The following VDR variants were observed in gnomAD, a reference collection of about 807,000 sequenced individuals.
VDR encodes the protein vitamin D receptor.
In VDR, 19 loss-of-function variants were observed where a neutral mutation model predicts 39.7. The ratio of observed to expected loss-of-function variants is 0.48; its 90% CI spans 0.33 to 0.70. The LOEUF (loss-of-function observed/expected upper bound fraction) is 0.70. Among genes scored for constraint, VDR ranks in the 30% least tolerant of loss-of-function variants. VDR has a pLI of 0.02. For missense variants in VDR, 442 were observed against 570.5 expected (o/e 0.77, Z 2.29); for synonymous variants, 242 against 215.8 (o/e 1.12, Z -1.07).
intron 1 of VDR, among the ~76,000 whole-genome samples, chr12:47,903,785 C>T (rs1946613116): frequency 1.3e-5 from 2 of 152,210 alleles, no homozygotes; most frequent in South Asian, 4.1e-4. Context: ...TGCTGGGATG[C>T]ACCTCCTTAT....
rs754232166 is a variant in VDR, at chr12:47,878,846, G to A, written c.146+122C>T. 212 of 1,498,544 alleles carry A rather than the reference G, an allele frequency of 1.4e-4. 1 individual carries two copies. The highest frequency in any genetic ancestry group is 1.6e-4 in the South Asian group (14 of 85,244). The allele number at this position is 1,498,544 out of a possible 1,614,324, so 92.8% of individuals were successfully genotyped here. A position where few individuals can be genotyped will look rare whatever the true frequency, so the allele number is the denominator to read the frequency against. ...CCCTCCTGCTCCTGTGGCTGTGAGC[G>A]CCGCATGTTCCATGGACATTGTAAG... On this transcript the variant is annotated intron_variant, in intron 3 of 9. Coordinates refer to ENST00000549336, the MANE Select transcript of VDR (RefSeq NM_000376.3).
intron 3 of VDR, among the ~76,000 whole-genome samples, chr12:47,869,205 C>T (rs1945798121): frequency 6.6e-6 from 1 of 152,206 alleles, no homozygotes; most frequent in Non-Finnish European, 1.5e-5. Context: ...GATTGCCACT[C>T]AGCCCCACTT....
chr12:47,859,923 T>TTTC (rs1945588627), intron 4 of VDR, among the ~76,000 whole-genome samples: 18 of 50,982 alleles, frequency 3.5e-4, no homozygotes, highest in Admixed American at 5.7e-4. Context: ...CCTTCTTTCT[T>TTTC]TTTCTTTCTT....
chr12:47,887,774 G>T (rs868764145), intron 1 of VDR, among the ~76,000 whole-genome samples: 1 of 152,228 alleles, frequency 6.6e-6, no homozygotes, highest in Non-Finnish European at 1.5e-5. Context: ...CCCCAGCAAC[G>T]CAGCTCTAAG....
At chr12:47,883,906 C>A (rs953000080) in intron 1 of VDR, among the ~76,000 whole-genome samples, 1 of 152,234 alleles carries the variant, frequency 6.6e-6, no homozygotes, top group African/African-American at 2.4e-5. Context: ...GAGGAAAACA[C>A]TAGTGGACAA....
chr12:47,890,488 A>C (rs1946349872), intron 1 of VDR, among the ~76,000 whole-genome samples: 1 of 151,724 alleles, frequency 6.6e-6, no homozygotes, highest in Non-Finnish European at 1.5e-5. Context: ...TCACGTCACC[A>C]GGCAGGTTAC....
At chr12:47,848,195 A>T (rs1387955861) in intron 7 of VDR, among the ~76,000 whole-genome samples, 1 of 151,866 alleles carries the variant, frequency 6.6e-6, no homozygotes, top group Non-Finnish European at 1.5e-5. Context: ...CGCCTAGCTA[A>T]TTTTTAAATT....
intron 2 of VDR, among the ~76,000 whole-genome samples, chr12:47,882,492 G>A (rs996920846): frequency 3.8e-4 from 58 of 152,126 alleles, no homozygotes; most frequent in African/African-American, 1.4e-3. Flanking sequence ...CCCATCTCCT[G>A]AGCCCTTCTC....
At chr12:47,893,805 G>A (rs764459326) in intron 1 of VDR, among the ~76,000 whole-genome samples, 29 of 152,224 alleles carry the variant, frequency 1.9e-4, no homozygotes, top group Admixed American at 1.3e-4. Flanking sequence ...CACCACAGAC[G>A]TGTGTGGAGC....
intron 3 of VDR, among the ~76,000 whole-genome samples, chr12:47,875,826 T>C (rs1945989099): frequency 6.6e-6 from 1 of 152,232 alleles, no homozygotes; most frequent in African/African-American, 2.4e-5. Context: ...TTTAAAGATA[T>C]CTTATTCAAT....
At chr12:47,876,247 GTGTT>G (rs781742552) in intron 3 of VDR, among the ~76,000 whole-genome samples, 73 of 151,290 alleles carry the variant, frequency 4.8e-4, no homozygotes, top group Admixed American at 2.6e-4. Flanking sequence ...GTGCATGTGT[GTGTT>G]TGTTTATGTA....
intron 1 of VDR, chr12:47,899,778 G>C (rs1946527711): frequency 2.0e-6 from 1 of 508,918 alleles, no homozygotes; most frequent in South Asian, 8.2e-5. Context: ...GCAGGTGGCT[G>C]CATCTCTTTA....
intron 1 of VDR, among the ~76,000 whole-genome samples, chr12:47,890,726 A>G (rs1467593309): frequency 6.6e-6 from 1 of 152,184 alleles, no homozygotes. Context: ...TTGGACTGAG[A>G]ACGTGTGCCC....
intron 3 of VDR, among the ~76,000 whole-genome samples, chr12:47,877,979 AG>A (rs1946042150): frequency 2.0e-5 from 3 of 152,328 alleles, no homozygotes; most frequent in Non-Finnish European, 1.5e-5. Context: ...GTGTTGACAG[AG>A]AGACCCCAAG....
At chr12:47,894,253 C>G (rs1052537326) in intron 1 of VDR, among the ~76,000 whole-genome samples, 2 of 152,250 alleles carry the variant, frequency 1.3e-5, no homozygotes, top group African/African-American at 4.8e-5. Context: ...TGCAGCCCCC[C>G]AGCTGCCCTG....
At chr12:47,888,210 CA>C (rs1946296952) in intron 1 of VDR, among the ~76,000 whole-genome samples, 1 of 152,194 alleles carries the variant, frequency 6.6e-6, no homozygotes, top group Non-Finnish European at 1.5e-5. Context: ...ATGAGAATAG[CA>C]TGGGAAAAAC....
In VDR at chr12:47,854,766, G is replaced by C. The variant is rs985493350; in HGVS notation, c.755+864C>G. ...CACACCATCATCCAGAAAGTGCGGG[G>C]ATGGACTAGCTCTCCAGTGCTGGCC... On this transcript the variant is annotated intron_variant, in intron 7 of 9. Coordinates refer to ENST00000549336, the MANE Select transcript of VDR (RefSeq NM_000376.3). 5.3e-5 allele frequency among the ~76,000 whole-genome samples: 8 copies of C among 152,250 alleles called. No homozygotes were observed. In the South Asian group the frequency reaches 1.2e-3, roughly 24 times the overall value.
At chr12:47,901,893 C>T (rs749061757) in intron 1 of VDR, among the ~76,000 whole-genome samples, 11 of 152,192 alleles carry the variant, frequency 7.2e-5, no homozygotes, top group Non-Finnish European at 1.6e-4. Flanking sequence ...GAAGGGAAGT[C>T]ACACGAGTGG....
Position 47,846,804 on chromosome 12 carries a change from G to C in VDR, c.760C>G (p.Leu254Val). Residue 254 changes from leucine (L) to valine (V), a missense_variant, in exon 8 of 10, where the codon CTC (leucine) becomes GTC (valine). Coordinates refer to ENST00000549336, the MANE Select transcript of VDR (RefSeq NM_000376.3). ...AGTACGATCTGGTCCTCAGAGGTGAGGTCTCTGCAGGGGAGGGAGGGAAGG... is the reference window on the plus strand; with the variant it reads ...AGTACGATCTGGTCCTCAGAGGTGACGTCTCTGCAGGGGAGGGAGGGAAGG... ...FAKMIPGFRD[L>V]TSEDQIVLLK... is the part of the protein sequence containing the mutation. 1 of 1,614,164 alleles carries C rather than the reference G, an allele frequency of 6.2e-7. No homozygotes were observed. Among genetic ancestry groups the C allele is most frequent in the Non-Finnish European group, 8.5e-7 (1 of 1,180,034 alleles).
Sources: gnomAD v4.1 joint callset for allele counts (sites outside exome capture counted in the v4.1 genomes callset) on GRCh38, gnomAD v4.1.1 for gene constraint, MANE v1.5 for transcripts, NCBI Gene and HGNC (gene_info 2026-07-23, HGNC 2026-07-21) for gene names.